NAALADL2: variants seen among roughly 807,000 people sequenced by gnomAD.
The protein encoded by NAALADL2 is N-acetylated alpha-linked acidic dipeptidase like 2.
A neutral mutation model predicts 87.2 loss-of-function variants in NAALADL2; 76 were observed. The observed-to-expected ratio is 0.87, with a 90% CI of 0.72 to 1.05. The LOEUF (loss-of-function observed/expected upper bound fraction) is 1.05, where lower values mean the gene tolerates loss of function less well. NAALADL2 is among the 50% of genes least tolerant of loss of function. The probability of loss-of-function intolerance (pLI) is 0.00; values close to 1 mark genes in which losing one functional copy is unlikely to be tolerated. For missense variants in NAALADL2, 1,089 were observed against 945.8 expected, an observed-to-expected ratio of 1.15 and a Z score of -1.99; for synonymous variants, 354 against 331.0, an observed-to-expected ratio of 1.07 and a Z score of -0.75.
At chr3:175,254,764 A>G (rs958934732) in intron 3 of NAALADL2, among the ~76,000 whole-genome samples, 1 of 152,204 alleles carries the variant, frequency 6.6e-6, no homozygotes, top group African/African-American at 2.4e-5. Context: ...ATATATCAAC[A>G]GTTATTTATA....
At chr3:174,948,415 G>T (rs1251823293) in intron 1 of NAALADL2, among the ~76,000 whole-genome samples, 1 of 152,100 alleles carries the variant, frequency 6.6e-6, no homozygotes, top group African/African-American at 2.4e-5. Context: ...GACCTCAGGT[G>T]ATCCACCCGC....
Position 175,810,461 on chromosome 3 carries a change from G to A in NAALADL2, c.*7258G>A, listed in dbSNP as rs1755080046. 1 of 151,938 alleles carries A rather than the reference G, an allele frequency of 6.6e-6. No homozygotes were observed. Among genetic ancestry groups the A allele is most frequent in the Non-Finnish European group, 1.5e-5 (1 of 67,942 alleles). The allele number at this position is 151,938 out of a possible 1,614,324, so 9.4% of individuals were successfully genotyped here. A position where few individuals can be genotyped will look rare whatever the true frequency, so the allele number is the denominator to read the frequency against. On this transcript the variant is annotated 3_prime_UTR_variant, in exon 14 of 14. Transcript: ENST00000454872. ...AATGAAGGCACCATTTAACAAACGT[G>A]TTCTGAATCATAATTTTCATGAGTT...
intron 1 of NAALADL2, among the ~76,000 whole-genome samples, chr3:174,885,873 GTTGTTTTTTTTTTTTTTTTTTTT>G (rs1730042615): frequency 1.2e-5 from 1 of 83,768 alleles, no homozygotes; most frequent in Non-Finnish European, 2.3e-5. Flanking sequence ...GCCAGTCCGA[GTTGTTTTTTTTTTTTTTTTTTTT>G]TTTTTTTTTT....
At chr3:174,563,000 A>G (rs73042620) in intron 2 of NAALADL2, among the ~76,000 whole-genome samples, 1 of 152,104 alleles carries the variant, frequency 6.6e-6, no homozygotes, top group Non-Finnish European at 1.5e-5. Context: ...ATACTTTAAG[A>G]TGTAACAACA....
chr3:175,486,642 ATG>A (rs1727307203), intron 9 of NAALADL2, among the ~76,000 whole-genome samples: 1 of 152,172 alleles, frequency 6.6e-6, no homozygotes, highest in Non-Finnish European at 1.5e-5. Context: ...GCTCTCTAGA[ATG>A]AAACTTTTTA....
intron 2 of NAALADL2, among the ~76,000 whole-genome samples, chr3:175,190,091 A>G (rs538877838): frequency 6.6e-6 from 1 of 152,050 alleles, no homozygotes; most frequent in Non-Finnish European, 1.5e-5. Flanking sequence ...AAGATCTGAA[A>G]CCATCAAACT....
intron 5 of NAALADL2, among the ~76,000 whole-genome samples, chr3:175,444,989 G>A (rs1720458462): frequency 6.6e-6 from 1 of 152,086 alleles, no homozygotes; most frequent in Admixed American, 6.5e-5. Flanking sequence ...TCCTCCTGTA[G>A]CCTGGATACC....
intron 2 of NAALADL2, among the ~76,000 whole-genome samples, chr3:174,562,675 A>G (rs1292287138): frequency 6.6e-6 from 1 of 152,014 alleles, no homozygotes; most frequent in Non-Finnish European, 1.5e-5. Context: ...GTCTATGTAA[A>G]TATTGTCTAC....
At chr3:174,569,205 T>A (rs9828759) in intron 2 of NAALADL2, among the ~76,000 whole-genome samples, 2,550 of 151,984 alleles carry the variant, frequency 0.017, 82 homozygotes, top group African/African-American at 0.057. Flanking sequence ...TACACTATAC[T>A]TTGGAAGAGT....
At chr3:174,715,255 A>G (rs1323774739) in intron 2 of NAALADL2, among the ~76,000 whole-genome samples, 1 of 152,194 alleles carries the variant, frequency 6.6e-6, no homozygotes, top group Non-Finnish European at 1.5e-5. Flanking sequence ...ATATCTAGGC[A>G]CATATTTTAC....
chr3:175,445,043 T>C (rs1720471436), intron 5 of NAALADL2, among the ~76,000 whole-genome samples: 1 of 152,198 alleles, frequency 6.6e-6, no homozygotes, highest in African/African-American at 2.4e-5. Flanking sequence ...GTCAATTAAA[T>C]TCTGAGAAAA....
intron 2 of NAALADL2, among the ~76,000 whole-genome samples, chr3:175,199,040 T>A (rs1423946470): frequency 1.3e-5 from 2 of 152,170 alleles, no homozygotes; most frequent in Non-Finnish European, 2.9e-5. Flanking sequence ...ATAAATAGTT[T>A]TAAGTAAAGC....
At chr3:175,018,186 C>T (rs549781732) in intron 1 of NAALADL2, among the ~76,000 whole-genome samples, 3 of 151,992 alleles carry the variant, frequency 2.0e-5, no homozygotes, top group Admixed American at 6.6e-5. Context: ...TCCATGTTCA[C>T]GGCTCTTATA....
chr3:175,531,417 C>T (rs1421343607), intron 9 of NAALADL2, among the ~76,000 whole-genome samples: 1 of 152,146 alleles, frequency 6.6e-6, no homozygotes, highest in African/African-American at 2.4e-5. Flanking sequence ...TATTTATTTC[C>T]CATCCTCTGG....
intron 13 of NAALADL2, among the ~76,000 whole-genome samples, chr3:175,785,269 C>A (rs945763625): frequency 2.0e-5 from 3 of 150,298 alleles, no homozygotes; most frequent in Non-Finnish European, 2.9e-5. Context: ...TGTTGACTTT[C>A]TGTCTTGTTG....
At chr3:174,959,256 C>G (rs1169962539) in intron 1 of NAALADL2, among the ~76,000 whole-genome samples, 1 of 152,048 alleles carries the variant, frequency 6.6e-6, no homozygotes, top group Non-Finnish European at 1.5e-5. Flanking sequence ...TACTGGTAAA[C>G]TGTTGGATAA....
chr3:175,616,464 C>G (rs1312754463), intron 10 of NAALADL2, among the ~76,000 whole-genome samples: 1 of 152,032 alleles, frequency 6.6e-6, no homozygotes, highest in Non-Finnish European at 1.5e-5. Context: ...ACTTACATCT[C>G]ATTTTTTTGC....
chr3:175,125,913 C>T (rs1427028628), intron 2 of NAALADL2, among the ~76,000 whole-genome samples: 1 of 151,924 alleles, frequency 6.6e-6, no homozygotes, highest in Admixed American at 6.6e-5. Flanking sequence ...TGAGGCATTC[C>T]AACATTTTAA....
chr3:175,656,423 C>T (rs1268314077), intron 11 of NAALADL2, among the ~76,000 whole-genome samples: 1 of 152,118 alleles, frequency 6.6e-6, no homozygotes, highest in Non-Finnish European at 1.5e-5. Flanking sequence ...TTTGAACCTT[C>T]TGAGGATGAA....
Sources: gnomAD v4.1 joint callset for allele counts (sites outside exome capture counted in the v4.1 genomes callset) on GRCh38, gnomAD v4.1.1 for gene constraint, MANE v1.5 for transcripts, NCBI Gene and HGNC (gene_info 2026-07-23, HGNC 2026-07-21) for gene names.